PPP1R1C: variants seen among roughly 807,000 people sequenced by gnomAD.
PPP1R1C encodes the protein protein phosphatase 1 regulatory inhibitor subunit 1C.
Under a neutral mutation model 17.4 loss-of-function variants are expected in PPP1R1C, and 15 were observed. The observed-to-expected ratio is 0.86, with a 90% CI of 0.58 to 1.33. The LOEUF (loss-of-function observed/expected upper bound fraction) is 1.33, where lower values mean the gene tolerates loss of function less well. Among genes scored for constraint, PPP1R1C ranks in the 40% most tolerant of loss-of-function variants. PPP1R1C has a pLI of 0.00. For missense variants in PPP1R1C, 143 were observed against 130.0 expected (o/e 1.10, Z -0.48); for synonymous variants, 35 against 43.1 (o/e 0.81, Z 0.73).
chr2:182,110,839 A>G (rs1046400067), intron 4 of PPP1R1C, among the ~76,000 whole-genome samples: 27 of 152,162 alleles, frequency 1.8e-4, no homozygotes, highest in African/African-American at 6.0e-4. Flanking sequence ...TTGCCTAAAC[A>G]TTGTTTAGCT....
chr2:182,124,328 T>TTTTTTTTTTTTTTTTTTG (rs1689817983), intron 5 of PPP1R1C, among the ~76,000 whole-genome samples: 3 of 55,600 alleles, frequency 5.4e-5, no homozygotes, highest in Admixed American at 1.9e-4. Context: ...TTTTTTTTTG[T>TTTTTTTTTTTTTTTTTTG]TTTTTTTTTT....
At chr2:182,108,645 T>C (rs1409595837) in intron 4 of PPP1R1C, among the ~76,000 whole-genome samples, 1 of 152,202 alleles carries the variant, frequency 6.6e-6, no homozygotes, top group Non-Finnish European at 1.5e-5. Context: ...TATAAAACTT[T>C]CTTCATCTAA....
chr2:181,979,878 G>T (rs566261561), intron 2 of PPP1R1C, among the ~76,000 whole-genome samples: 1 of 152,200 alleles, frequency 6.6e-6, no homozygotes, highest in African/African-American at 2.4e-5. Context: ...ATTTTTGTGT[G>T]TTTTTGTGTA....
intron 4 of PPP1R1C, among the ~76,000 whole-genome samples, chr2:182,101,006 A>G (rs1689084806): frequency 6.6e-6 from 1 of 152,194 alleles, no homozygotes. Context: ...GTAATTCCCT[A>G]TAAGAAAGGG....
intron 2 of PPP1R1C, among the ~76,000 whole-genome samples, chr2:182,053,672 A>G (rs1446407358): frequency 2.0e-5 from 3 of 152,018 alleles, no homozygotes; most frequent in Non-Finnish European, 4.4e-5. Flanking sequence ...TATAATATTT[A>G]TGTATCTCTT....
At chr2:182,124,314 G>GTTTTTTTTTTTTTGTTTTTTTTTTTTT in intron 5 of PPP1R1C, among the ~76,000 whole-genome samples, 1 of 42,100 alleles carries the variant, frequency 2.4e-5, no homozygotes, top group East Asian at 7.0e-4. Flanking sequence ...GTTTTTTTTT[G>GTTTTTTTTTTTTTGTTTTTTTTTTTTT]TTTTTTTTTT....
At chr2:182,085,594 A>G (rs1196147) in intron 4 of PPP1R1C, among the ~76,000 whole-genome samples, 88,624 of 151,938 alleles carry the variant, frequency 0.58, 26,161 homozygotes, top group Non-Finnish European at 0.63. Flanking sequence ...GAAATGTCTT[A>G]TCTTTTGTTG....
At chr2:182,122,697 G>A (rs146823953), downstream of PPP1R1C, among the ~76,000 whole-genome samples, 769 of 151,896 alleles carry the variant, frequency 5.1e-3, 4 homozygotes, top group African/African-American at 0.017. Flanking sequence ...TTTTAAATAC[G>A]TAAGCCAAAA....
At chr2:182,084,163 A>G (rs1688561519) in intron 4 of PPP1R1C, among the ~76,000 whole-genome samples, 1 of 151,886 alleles carries the variant, frequency 6.6e-6, no homozygotes, top group South Asian at 2.1e-4. Flanking sequence ...GAGTCTTGTT[A>G]CTAGTCCTTT....
chr2:182,123,238 T>C (rs1283841200), intron 5 of PPP1R1C, among the ~76,000 whole-genome samples: 1 of 152,214 alleles, frequency 6.6e-6, no homozygotes, highest in African/African-American at 2.4e-5. Context: ...ACATTTTATT[T>C]ATCCAGTCAA....
In PPP1R1C at chr2:181,962,403, C is replaced by T. The variant is rs897464671; in HGVS notation, n.111+7769C>T. Reference sequence around the variant, plus strand: ...CTGGCCATGCAGCTGGCCGGCCGGGCGCCGTAGTTGGACACCTGGACAGAG... The same window carrying T: ...CTGGCCATGCAGCTGGCCGGCCGGGTGCCGTAGTTGGACACCTGGACAGAG... On this transcript the variant is annotated intron_variant and non_coding_transcript_variant, in intron 1 of 5. Coordinates refer to the PPP1R1C transcript ENST00000464264. This position sits in a 1 kb window ranked among gnomAD's most constrained non-coding sequence, Gnocchi z 6.0. 69 of 734,130 alleles carry T rather than the reference C, an allele frequency of 9.4e-5. 1 individual carries two copies. Among genetic ancestry groups the T allele is most frequent in the South Asian group, 7.5e-5 (5 of 66,286 alleles). 45.5% of individuals were successfully genotyped at this position (734,130 alleles called of 1,614,324 possible).
intron 1 of PPP1R1C, chr2:181,954,653 A>G (rs1211649264): frequency 6.6e-6 from 1 of 152,146 alleles, no homozygotes. Flanking sequence ...AAAATTCTAA[A>G]CATTTCTATT....
intron 2 of PPP1R1C, among the ~76,000 whole-genome samples, chr2:182,028,503 T>G (rs1031990550): frequency 1.3e-5 from 2 of 152,218 alleles, no homozygotes; most frequent in Non-Finnish European, 2.9e-5. Context: ...TTCTTCAGTT[T>G]CCATGTAGTT....
rs1165789924 is a variant in PPP1R1C, at chr2:182,076,197, C to CTTTTTTTTTTTTTTTTTTTTTTTTTT, written c.241+12422_241+12447dup. On this transcript the variant is annotated intron_variant, in intron 4 of 4. Coordinates refer to ENST00000682840, the MANE Select transcript of PPP1R1C (RefSeq NM_001080545.3). ...GATTTTGAACTTTTTTTTTTCTTTT[C>CTTTTTTTTTTTTTTTTTTTTTTTTTT]TTTTTTTTTTTTTTTTTTTTTTTTT... Among the ~76,000 whole-genome samples the CTTTTTTTTTTTTTTTTTTTTTTTTTT allele has an allele frequency of 7.0e-4, 18 of 25,864 alleles. 4 individuals carry two copies. Among genetic ancestry groups the CTTTTTTTTTTTTTTTTTTTTTTTTTT allele is most frequent in the Non-Finnish European group, 9.0e-4 (15 of 16,606 alleles). The allele number at this position is 25,864 out of a possible 152,430, so 17.0% of individuals were successfully genotyped here.
chr2:182,117,298 A>C lies in PPP1R1C; in HGVS notation c.*3A>C. 1 of 1,546,014 alleles carries C rather than the reference A, an allele frequency of 6.5e-7. No individual in the cohort carries two copies. The stretch of plus-strand genomic sequence containing the variant: ...GAGAGGAGCAGCGGGACCATTAATT[A>C]CTGGTCTGCAGCAAGAAGGCTTCTT... On this transcript the variant is annotated 3_prime_UTR_variant, in exon 5 of 5. Coordinates refer to ENST00000682840, the MANE Select transcript of PPP1R1C (RefSeq NM_001080545.3).
At chr2:182,128,930 A>G (rs1444270719) in intron 5 of PPP1R1C, 2 of 152,120 alleles carry the variant, frequency 1.3e-5, no homozygotes, top group Non-Finnish European at 2.9e-5. Context: ...AATCCTCTGG[A>G]AAGTTTCCAC....
intron 2 of PPP1R1C, among the ~76,000 whole-genome samples, chr2:182,012,166 T>C (rs1606932): frequency 0.37 from 56,393 of 151,806 alleles, 11,133 homozygotes; most frequent in Non-Finnish European, 0.42. Flanking sequence ...GTTTCTTTGT[T>C]GATTTTCTGT....
At chr2:182,055,850 C>T (rs934118449) in intron 2 of PPP1R1C, among the ~76,000 whole-genome samples, 1 of 152,166 alleles carries the variant, frequency 6.6e-6, no homozygotes, top group African/African-American at 2.4e-5. Context: ...AAGAATTCAT[C>T]TTCCACTTGC....
intron 2 of PPP1R1C, among the ~76,000 whole-genome samples, chr2:182,007,321 G>T (rs1490133108): frequency 1.3e-5 from 2 of 151,938 alleles, no homozygotes; most frequent in African/African-American, 4.8e-5. Context: ...GTATATTATG[G>T]CTTGCTTATT....
Sources: gnomAD v4.1 joint callset for allele counts (sites outside exome capture counted in the v4.1 genomes callset) on GRCh38, gnomAD v4.1.1 for gene constraint, Gnocchi (gnomAD v3.1) non-coding constraint, MANE v1.5 for transcripts, NCBI Gene and HGNC (gene_info 2026-07-23, HGNC 2026-07-21) for gene names.